The following DHRS12 variants were observed in gnomAD, a reference collection of about 807,000 sequenced individuals.
DHRS12 encodes the protein dehydrogenase/reductase SDR family member 12.
DHRS12 carries 29 observed loss-of-function variants against 32.1 expected under a neutral mutation model. That is an observed-to-expected ratio of 0.90 (90% CI 0.67 to 1.23). DHRS12 has a LOEUF of 1.23. Among genes scored for constraint, DHRS12 ranks in the 50% most tolerant of loss-of-function variants. The probability of loss-of-function intolerance (pLI) is 0.00; values close to 1 mark genes in which losing one functional copy is unlikely to be tolerated. For missense variants in DHRS12, 330 were observed against 337.2 expected, an observed-to-expected ratio of 0.98 and a Z score of 0.17; for synonymous variants, 150 against 135.9, an observed-to-expected ratio of 1.10 and a Z score of -0.72.
chr13:51,759,715 C>G, the DHRS12 span: 1 of 1,613,224 alleles, frequency 6.2e-7, no homozygotes, highest in Non-Finnish European at 8.5e-7. Flanking sequence ...TTAGTTCATT[C>G]TGTATCTTCT....
chr13:51,802,217 A>G (rs1193583989), intron 1 of DHRS12, among the ~76,000 whole-genome samples: 2 of 93,406 alleles, frequency 2.1e-5, no homozygotes, highest in Non-Finnish European at 4.2e-5. Flanking sequence ...ACACACACAC[A>G]CGACTTTCCC....
chr13:51,767,073 A>C (rs976117189), downstream of DHRS12: 4 of 152,290 alleles, frequency 2.6e-5, no homozygotes, highest in African/African-American at 9.6e-5. Context: ...TCCAGTGAGG[A>C]GAAATGACTT....
intron 8 of DHRS12, chr13:51,768,664 TCCACCCGA>T: frequency 4.4e-6 from 5 of 1,131,662 alleles, no homozygotes; most frequent in Non-Finnish European, 3.3e-6. Context: ...GAGCCTGGCT[TCCACCCGA>T]GGTCAAGTGC....
downstream of DHRS12, chr13:51,764,978 C>G (rs1429102962): frequency 6.6e-6 from 1 of 152,256 alleles, no homozygotes; most frequent in Non-Finnish European, 1.5e-5. Context: ...GGTGCAGACA[C>G]AGGCAGCTGC....
chr13:51,768,484 GT>G, intron 8 of DHRS12, 188 bp from the exon 9 acceptor site: 1 of 1,423,532 alleles, frequency 7.0e-7, no homozygotes, highest in Non-Finnish European at 9.1e-7. Flanking sequence ...GTAAAGTGCA[GT>G]TTGGGAACTG....
At chr13:51,768,479 G>A in intron 8 of DHRS12, 183 bp from the exon 9 acceptor site, 1 of 1,425,812 alleles carries the variant, frequency 7.0e-7, no homozygotes, top group Non-Finnish European at 9.1e-7. Flanking sequence ...GATATGTAAA[G>A]TGCAGTTTGG....
chr13:51,759,767 TGATGACTCTCCCAG>T, the DHRS12 span: 4 of 1,613,948 alleles, frequency 2.5e-6, no homozygotes, highest in Admixed American at 3.3e-5. Flanking sequence ...AGTCGTGTCT[TGATGACTCTCCCAG>T]GAATCAGAAA....
chr13:51,768,221 T>C lies in DHRS12; in HGVS notation c.773A>G (p.Glu258Gly). ...SSPAEEEKLI[E>G]ILEQLAQTFK ...TGTCTGAGCCAGCTGTTCCAGGATT[T>C]CAATGAGTTTCTCCTCTTCGGCCGG... Residue 258 changes from glutamate to glycine, a missense_variant, in exon 9 of 9, where the codon GAA becomes GGA. By Grantham distance (98) the Glu-to-Gly change is moderately conservative. Coordinates refer to ENST00000444610, the MANE Select transcript of DHRS12 (RefSeq NM_001377533.1). The C allele has an allele frequency of 2.6e-6, 4 of 1,536,124 alleles. No individual in the cohort carries two copies. Among genetic ancestry groups the C allele is most frequent in the Non-Finnish European group, 3.5e-6 (4 of 1,146,912 alleles).
rs1254456289 is a variant in DHRS12 at position 51,774,008 on chromosome 13, C to G, written c.390G>C (p.Leu130Phe). 1.2e-6 allele frequency: 2 copies of G among 1,613,816 alleles called. No homozygotes were observed. Among genetic ancestry groups the G allele is most frequent in the African/African-American group, 1.3e-5 (1 of 74,878 alleles). The stretch of plus-strand genomic sequence containing the variant: ...GATCATTGGTGTTCAGTTTCTGAAC[C>G]AACATTCCTCCTGAGGAGACGGTTA... ...RVITVSSGGM[L>F]VQKLNTNDLQ... Residue 130 changes from leucine to phenylalanine, a missense_variant, in exon 6 of 9, where the codon TTG (leucine) becomes TTC (phenylalanine). Coordinates refer to ENST00000444610, the MANE Select transcript of DHRS12 (RefSeq NM_001377533.1).
intron 1 of DHRS12, chr13:51,803,802 C>T: frequency 3.0e-6 from 1 of 329,432 alleles, no homozygotes; most frequent in Non-Finnish European, 5.4e-6. Flanking sequence ...CGGCCCTGGG[C>T]TTGGGCGCGC....
chr13:51,790,897 A>G (rs1955235730), intron 3 of DHRS12, among the ~76,000 whole-genome samples: 1 of 152,186 alleles, frequency 6.6e-6, no homozygotes, highest in Admixed American at 6.5e-5. Context: ...TTTATATACA[A>G]ATCATCATTT....
the DHRS12 span, among the ~76,000 whole-genome samples, chr13:51,757,833 C>CT: frequency 4.2e-4 from 60 of 142,474 alleles, no homozygotes; most frequent in South Asian, 1.3e-3. Flanking sequence ...TATCTTGGTC[C>CT]TTTTTTTTTT....
intron 7 of DHRS12, among the ~76,000 whole-genome samples, chr13:51,769,923 C>T (rs1953935920): frequency 6.6e-6 from 1 of 152,208 alleles, no homozygotes; most frequent in Non-Finnish European, 1.5e-5. Context: ...CTTCGAGGAC[C>T]CAGCCACACG....
At chr13:51,768,324 G>GT in intron 8 of DHRS12, 28 bp from the exon 9 acceptor site, 1 of 1,535,186 alleles carries the variant, frequency 6.5e-7, no homozygotes, top group East Asian at 2.4e-5. Flanking sequence ...CCGCAGAGAG[G>GT]TGTGAGCTGC....
chr13:51,780,362 A>G (rs1017361507), intron 4 of DHRS12, among the ~76,000 whole-genome samples: 6 of 152,046 alleles, frequency 3.9e-5, no homozygotes, highest in Non-Finnish European at 7.4e-5. Context: ...CAAGGTTTTG[A>G]TGAGAGAAAA....
At position 51,768,313 on chromosome 13, in the gene DHRS12, A is replaced by G. The variant is rs1953844440; in HGVS notation, c.698-17T>C. The G allele has an allele frequency of 1.3e-6, 2 of 1,535,424 alleles. No individual in the cohort carries two copies. The highest frequency in any genetic ancestry group is 2.4e-5 in the South Asian group (2 of 84,018). ...GCTTCCGATCTAAAAGTGAGAGGGA[A>G]CCGCAGAGAGGTGTGAGCTGCTGCA... is the stretch of plus-strand genomic sequence containing the variant. On this transcript the variant is annotated splice_polypyrimidine_tract_variant and intron_variant, in intron 8 of 8. Coordinates refer to ENST00000444610, the MANE Select transcript of DHRS12 (RefSeq NM_001377533.1).
At chr13:51,785,244 T>G (rs903088354) in intron 4 of DHRS12, among the ~76,000 whole-genome samples, 1 of 152,046 alleles carries the variant, frequency 6.6e-6, no homozygotes, top group African/African-American at 2.4e-5. Flanking sequence ...AACCAGAATG[T>G]TTATGGAACA....
At chr13:51,756,206 GCT>G in the DHRS12 span, 2 of 1,365,674 alleles carry the variant, frequency 1.5e-6, no homozygotes, top group East Asian at 4.7e-5. Flanking sequence ...TAGTTCTGGG[GCT>G]CTCTTGTTCA....
chr13:51,759,760 C>T, the DHRS12 span: 23 of 1,613,876 alleles, frequency 1.4e-5, no homozygotes, highest in Admixed American at 1.7e-5. Context: ...TGACCCCAGT[C>T]GTGTCTTGAT....
Sources: allele counts gnomAD v4.1 joint callset (sites outside exome capture counted in the v4.1 genomes callset), GRCh38; gene constraint gnomAD v4.1.1; transcripts MANE v1.5; gene names NCBI Gene and HGNC (gene_info 2026-07-23, HGNC 2026-07-21).